RAPGEF4: variants seen among roughly 807,000 people sequenced by gnomAD.
The protein encoded by RAPGEF4 is RAP guanine-nucleotide-exchange factor (GEF) 4.
RAPGEF4 carries 66 observed loss-of-function variants against 147.9 expected under a neutral mutation model. That is an observed-to-expected ratio of 0.45 (90% CI 0.37 to 0.55). RAPGEF4 has a LOEUF of 0.55. Among genes scored for constraint, RAPGEF4 ranks in the 20% least tolerant of loss-of-function variants. The pLI is 0.00. For synonymous variants in RAPGEF4, 419 were observed against 442.7 expected (o/e 0.95, Z 0.67); for missense variants, 1,071 against 1,257.3 (o/e 0.85, Z 2.24).
At chr2:172,827,276 T>C (rs1358093356) in intron 4 of RAPGEF4, among the ~76,000 whole-genome samples, 2 of 152,182 alleles carry the variant, frequency 1.3e-5, no homozygotes, top group Admixed American at 1.3e-4. Flanking sequence ...TTTAGCACAG[T>C]TGGGAATCCA....
chr2:172,840,315 G>A (rs1691436503), intron 4 of RAPGEF4, among the ~76,000 whole-genome samples: 2 of 152,156 alleles, frequency 1.3e-5, no homozygotes, highest in Admixed American at 1.3e-4. Flanking sequence ...TCTCTTAACT[G>A]ATCATGCAAT....
At chr2:173,002,002 A>AAAAAAAAAAAAAAAAAAC in intron 17 of RAPGEF4, among the ~76,000 whole-genome samples, 1 of 150,182 alleles carries the variant, frequency 6.7e-6, no homozygotes, top group African/African-American at 2.4e-5. Flanking sequence ...GCAAAAAAAA[A>AAAAAAAAAAAAAAAAAAC]AAAAAAAAAA....
chr2:172,746,722 C>A (rs1694809746), intron 1 of RAPGEF4, among the ~76,000 whole-genome samples: 1 of 151,972 alleles, frequency 6.6e-6, no homozygotes, highest in Non-Finnish European at 1.5e-5. Context: ...AAGCAATTCT[C>A]CTGCCCCAGC....
At chr2:173,027,316 G>T (rs1215060308) in intron 25 of RAPGEF4, 57 bp downstream of exon 25, 2 of 1,420,314 alleles carry the variant, frequency 1.4e-6, no homozygotes, top group East Asian at 4.7e-5. Flanking sequence ...TTTTCATTTT[G>T]TTTTCTTAGA....
chr2:172,957,091 A>C (rs1443550422), intron 6 of RAPGEF4, among the ~76,000 whole-genome samples: 1 of 152,226 alleles, frequency 6.6e-6, no homozygotes, highest in Non-Finnish European at 1.5e-5. Context: ...GTGTGAGCAC[A>C]GGCAAGTCCC....
At chr2:173,041,753 A>G (rs994995618) in intron 29 of RAPGEF4, among the ~76,000 whole-genome samples, 1 of 152,124 alleles carries the variant, frequency 6.6e-6, no homozygotes. Flanking sequence ...ATCCAGTCCA[A>G]GTTGGTGAGA....
chr2:172,918,151 T>C (rs1237207969), intron 5 of RAPGEF4: 1 of 579,912 alleles, frequency 1.7e-6, no homozygotes, highest in South Asian at 1.8e-5. Flanking sequence ...CATCTTATAG[T>C]GAAATCCAGT....
chr2:172,794,960 C>A, intron 1 of RAPGEF4, 65 bp from the exon 2 acceptor site: 1 of 1,427,626 alleles, frequency 7.0e-7, no homozygotes, highest in African/African-American at 1.4e-5. Context: ...TAAAATGAGG[C>A]CTGTTGATTC....
chr2:172,983,713 T>A, intron 11 of RAPGEF4, 133 bp downstream of exon 11: 3 of 1,421,028 alleles, frequency 2.1e-6, no homozygotes, highest in South Asian at 3.2e-5. Context: ...TCTACTCTCT[T>A]ACGAGATGCT....
intron 4 of RAPGEF4, among the ~76,000 whole-genome samples, chr2:172,866,986 T>C (rs1191556047): frequency 6.7e-6 from 1 of 150,116 alleles, no homozygotes; most frequent in Non-Finnish European, 1.5e-5. Flanking sequence ...AGAGCCTTGC[T>C]GTCACCCAGG....
At chr2:172,984,187 C>T (rs969664751) in intron 11 of RAPGEF4, among the ~76,000 whole-genome samples, 3 of 152,164 alleles carry the variant, frequency 2.0e-5, no homozygotes, top group Admixed American at 6.5e-5. Context: ...AACACCTCCT[C>T]CCTTAAGAAT....
intron 1 of RAPGEF4, among the ~76,000 whole-genome samples, chr2:172,744,757 G>T (rs1694624927): frequency 6.6e-6 from 1 of 151,968 alleles, no homozygotes; most frequent in African/African-American, 2.4e-5. Flanking sequence ...TCTTGTTTTG[G>T]TTATGATCTT....
chr2:172,996,992 A>C (rs1693434415), intron 16 of RAPGEF4, among the ~76,000 whole-genome samples: 2 of 152,212 alleles, frequency 1.3e-5, no homozygotes, highest in Non-Finnish European at 1.5e-5. Flanking sequence ...AATATAACTA[A>C]ATGCCACCAT....
chr2:172,749,658 T>C (rs1695090809), intron 1 of RAPGEF4, among the ~76,000 whole-genome samples: 1 of 152,362 alleles, frequency 6.6e-6, no homozygotes, highest in Middle Eastern at 3.4e-3. Context: ...ATTGTCTTGC[T>C]GACTAACATT....
At chr2:172,986,839 G>T (rs373580278) in intron 12 of RAPGEF4, among the ~76,000 whole-genome samples, 1 of 151,928 alleles carries the variant, frequency 6.6e-6, no homozygotes, top group South Asian at 2.1e-4. Context: ...GATTACAGGC[G>T]TGTGCCACCA....
chr2:172,907,651 T>A (rs1394168429), intron 4 of RAPGEF4, among the ~76,000 whole-genome samples: 1 of 152,196 alleles, frequency 6.6e-6, no homozygotes, highest in African/African-American at 2.4e-5. Context: ...ATTTAGCAGA[T>A]GATCAGTAGG....
chr2:172,768,892 A>G (rs1235600029), intron 1 of RAPGEF4, among the ~76,000 whole-genome samples: 2 of 152,226 alleles, frequency 1.3e-5, no homozygotes, highest in Admixed American at 1.3e-4. Context: ...CTTCAGGTAG[A>G]TGTTTCCTCT....
chr2:172,883,349 TCACA>T (rs1696829374), intron 4 of RAPGEF4, among the ~76,000 whole-genome samples: 1 of 151,912 alleles, frequency 6.6e-6, no homozygotes, highest in Non-Finnish European at 1.5e-5. Flanking sequence ...GAGATCCAAC[TCACA>T]GCCTCAAGCT....
chr2:173,046,170 A>G (rs1009307500), intron 29 of RAPGEF4, among the ~76,000 whole-genome samples: 10 of 152,254 alleles, frequency 6.6e-5, no homozygotes, highest in Non-Finnish European at 1.3e-4. Flanking sequence ...GTTATCTTTG[A>G]GAACAATTAA....
Sources: allele counts gnomAD v4.1 joint callset (sites outside exome capture counted in the v4.1 genomes callset), GRCh38; gene constraint gnomAD v4.1.1; transcripts MANE v1.5; gene names NCBI Gene and HGNC (gene_info 2026-07-23, HGNC 2026-07-21).